Variants in MAEL observed in about 807,000 individuals in gnomAD.
MAEL encodes protein maelstrom homolog.
Under a neutral mutation model 62.0 loss-of-function variants are expected in MAEL, and 46 were observed. The observed-to-expected ratio is 0.74, with a 90% CI of 0.59 to 0.95. MAEL has a LOEUF of 0.95. MAEL is among the 40% of genes least tolerant of loss of function. The pLI, the probability that MAEL is intolerant of heterozygous loss-of-function variation, is 0.00. For synonymous variants in MAEL, 172 were observed against 175.5 expected (o/e 0.98, Z 0.16); for missense variants, 497 against 526.8 (o/e 0.94, Z 0.55).
chr1:167,019,501 T>C (rs1665539662), intron 10 of MAEL, among the ~76,000 whole-genome samples: 1 of 152,146 alleles, frequency 6.6e-6, no homozygotes, highest in Non-Finnish European at 1.5e-5. Context: ...TTCTCAGCCT[T>C]AGTTATCAGC....
chr1:167,013,342 G>T (rs1364301008), intron 8 of MAEL, among the ~76,000 whole-genome samples: 1 of 152,208 alleles, frequency 6.6e-6, no homozygotes, highest in Admixed American at 6.5e-5. Context: ...GCCCTGACGA[G>T]CTCTGACAAG....
At chr1:166,979,886 C>G (rs1663706728) in intron 1 of MAEL, among the ~76,000 whole-genome samples, 1 of 152,064 alleles carries the variant, frequency 6.6e-6, no homozygotes, top group African/African-American at 2.4e-5. Flanking sequence ...AAAAAAAGAA[C>G]ATAAAAGTAT....
intron 8 of MAEL, among the ~76,000 whole-genome samples, chr1:167,008,879 G>T (rs72689335): frequency 0.011 from 1,734 of 152,096 alleles, 19 homozygotes; most frequent in Non-Finnish European, 0.017. Flanking sequence ...GTAAATTCCA[G>T]TGTTTTTACA....
At chr1:167,016,199 T>C (rs1253267900) in intron 8 of MAEL, 23 bp from the exon 9 acceptor site, 1 of 1,608,906 alleles carries the variant, frequency 6.2e-7, no homozygotes, top group South Asian at 1.1e-5. Context: ...AGTTAGGATA[T>C]TAAAGTCCAT....
At chr1:166,993,962 G>T in intron 4 of MAEL, 66 bp from the exon 5 acceptor site, 1 of 1,198,446 alleles carries the variant, frequency 8.3e-7, no homozygotes, top group Non-Finnish European at 1.2e-6. Flanking sequence ...TCATCTTGTA[G>T]AGTATTACTG....
chr1:167,011,713 T>G (rs1408211780), intron 8 of MAEL, among the ~76,000 whole-genome samples: 1 of 152,218 alleles, frequency 6.6e-6, no homozygotes, highest in Non-Finnish European at 1.5e-5. Flanking sequence ...GTTGAAGGAT[T>G]GCAAATGTCT....
At chr1:167,016,929 T>C (rs997537382) in intron 9 of MAEL, among the ~76,000 whole-genome samples, 6 of 151,836 alleles carry the variant, frequency 4.0e-5, no homozygotes, top group Non-Finnish European at 8.8e-5. Context: ...AATCTAAAAA[T>C]CAAAACAATT....
chr1:167,007,751 T>C (rs1413471045), intron 8 of MAEL, among the ~76,000 whole-genome samples: 1 of 152,094 alleles, frequency 6.6e-6, no homozygotes, highest in South Asian at 2.1e-4. Context: ...AAATTTCCTT[T>C]CTCTGAGAAT....
At chr1:167,018,561 G>A (rs1226465320) in intron 10 of MAEL, among the ~76,000 whole-genome samples, 1 of 151,868 alleles carries the variant, frequency 6.6e-6, no homozygotes, top group Non-Finnish European at 1.5e-5. Flanking sequence ...TATTTGTTAG[G>A]ATTAAATGCA....
intron 8 of MAEL, among the ~76,000 whole-genome samples, chr1:167,015,734 A>G (rs1258073612): frequency 1.3e-5 from 2 of 152,078 alleles, no homozygotes; most frequent in South Asian, 2.1e-4. Flanking sequence ...CCAATATTTT[A>G]TATTATCTTT....
Position 166,992,713 on chromosome 1 carries a change from T to G in MAEL, c.353T>G (p.Leu118Trp). The G allele has an allele frequency of 3.1e-6, 5 of 1,594,036 alleles. No homozygotes were observed. Among genetic ancestry groups the G allele is most frequent in the Non-Finnish European group, 4.3e-6 (5 of 1,174,520 alleles). The change falls in exon 4 of 12, where the codon TTG becomes TGG. Residue 118 changes from leucine to tryptophan, a missense_variant. Physicochemically the swap from Leu to Trp is moderately conservative, Grantham distance 61. Transcript: ENST00000367872. Reference protein sequence around the residue: ...QALLGGIFYFLNIFSHGELPP... With the variant: ...QALLGGIFYFWNIFSHGELPP... Reference sequence around the variant, plus strand: ...CTCCTTGGAGGCATTTTTTATTTTTTGAACATTTTTAGCCATGGCGAGCTA... The same window carrying G: ...CTCCTTGGAGGCATTTTTTATTTTTGGAACATTTTTAGCCATGGCGAGCTA...
chr1:166,992,424 T>C (rs1317250280), intron 3 of MAEL, among the ~76,000 whole-genome samples: 2 of 152,170 alleles, frequency 1.3e-5, no homozygotes, highest in Non-Finnish European at 2.9e-5. Flanking sequence ...CCGAATTATG[T>C]AGAGCTGGCT....
chr1:166,984,682 T>C (rs1371522301), upstream of MAEL, among the ~76,000 whole-genome samples: 4 of 152,184 alleles, frequency 2.6e-5, no homozygotes, highest in Non-Finnish European at 5.9e-5. Context: ...CAGGCACCAT[T>C]CTTCACCTGA....
At chr1:167,016,062 A>G (rs1571277785) in intron 8 of MAEL, 160 bp from the exon 9 acceptor site, 1 of 666,676 alleles carries the variant, frequency 1.5e-6, no homozygotes, top group Non-Finnish European at 2.7e-6. Flanking sequence ...CAGAGAATGT[A>G]GCATTAAAAT....
chr1:166,980,575 T>C (rs1172885541), intron 1 of MAEL, among the ~76,000 whole-genome samples: 3 of 152,190 alleles, frequency 2.0e-5, no homozygotes, highest in African/African-American at 4.8e-5. Flanking sequence ...ATCAAGTTAA[T>C]TATGAGCAGT....
chr1:166,990,185 G>A (rs1664106452), intron 2 of MAEL: 1 of 116,240 alleles, frequency 8.6e-6, no homozygotes, highest in Non-Finnish European at 1.8e-5. Flanking sequence ...GAGCCTTGGC[G>A]GGGGGTGGGG....
chr1:166,981,256 A>G (rs988529059), intron 1 of MAEL, among the ~76,000 whole-genome samples: 3 of 152,224 alleles, frequency 2.0e-5, no homozygotes, highest in African/African-American at 7.2e-5. Context: ...AGAGATGATC[A>G]ATGTGTACTT....
At chr1:166,986,770 A>G (rs1258211155), upstream of MAEL, among the ~76,000 whole-genome samples, 1 of 152,218 alleles carries the variant, frequency 6.6e-6, no homozygotes, top group Non-Finnish European at 1.5e-5. Flanking sequence ...CTGAAGTAGA[A>G]AGAAGGAATT....
At chr1:167,008,046 A>G (rs749506039) in intron 8 of MAEL, among the ~76,000 whole-genome samples, 4 of 152,118 alleles carry the variant, frequency 2.6e-5, no homozygotes, top group Admixed American at 6.6e-5. Context: ...AATAATATTC[A>G]GAAGTGTCAC....
Sources: gnomAD v4.1 joint callset for allele counts (sites outside exome capture counted in the v4.1 genomes callset) on GRCh38, gnomAD v4.1.1 for gene constraint, MANE v1.5 for transcripts, NCBI Gene and HGNC (gene_info 2026-07-23, HGNC 2026-07-21) for gene names.